GRM3: variants seen among roughly 807,000 people sequenced by gnomAD.
GRM3 encodes glutamate metabotropic receptor 3, also known as metabotropic glutamate receptor 3.
Under a neutral mutation model 70.5 loss-of-function variants are expected in GRM3, and 26 were observed. The ratio of observed to expected loss-of-function variants is 0.37; its 90% CI spans 0.27 to 0.51. The LOEUF is 0.51. Ranked by LOEUF, GRM3 falls within the 20% of genes least tolerant of loss-of-function variation. The pLI, the probability that GRM3 is intolerant of heterozygous loss-of-function variation, is 0.93. For missense variants in GRM3, 859 were observed against 1,123.8 expected (o/e 0.76, Z 3.37); for synonymous variants, 443 against 434.9 (o/e 1.02, Z -0.23).
At chr7:86,669,063 C>T (rs995336396) in intron 1 of GRM3, among the ~76,000 whole-genome samples, 6 of 152,248 alleles carry the variant, frequency 3.9e-5, no homozygotes, top group East Asian at 1.9e-4. Flanking sequence ...AGACTCAAGA[C>T]TTTAGCTGGT....
chr7:86,707,703 T>C (rs1180187367), intron 1 of GRM3, among the ~76,000 whole-genome samples: 2 of 152,130 alleles, frequency 1.3e-5, no homozygotes, highest in Non-Finnish European at 2.9e-5. Context: ...GTTGGCATAG[T>C]ATTTAGATCA....
At chr7:86,744,861 T>C (rs962753519) in intron 1 of GRM3, among the ~76,000 whole-genome samples, 1 of 152,054 alleles carries the variant, frequency 6.6e-6, no homozygotes, top group East Asian at 1.9e-4. Flanking sequence ...CCTGGAAATA[T>C]GTAGAAAGGC....
At chr7:86,745,356 C>A (rs538672889) in intron 1 of GRM3, among the ~76,000 whole-genome samples, 1 of 152,042 alleles carries the variant, frequency 6.6e-6, no homozygotes, top group Non-Finnish European at 1.5e-5. Flanking sequence ...CTTAGCATAG[C>A]CCACCTTGGA....
chr7:86,735,349 G>C (rs1795834285), intron 1 of GRM3, among the ~76,000 whole-genome samples: 1 of 151,872 alleles, frequency 6.6e-6, no homozygotes, highest in African/African-American at 2.4e-5. Flanking sequence ...AGAAATTTTT[G>C]AAGTCAGACA....
intron 1 of GRM3, among the ~76,000 whole-genome samples, chr7:86,717,808 T>C (rs935153227): frequency 4.6e-5 from 7 of 151,866 alleles, no homozygotes; most frequent in Non-Finnish European, 8.8e-5. Flanking sequence ...AACAGGTAAA[T>C]CTCTGCAGCA....
chr7:86,749,456 A>C (rs1280102165), intron 1 of GRM3, among the ~76,000 whole-genome samples: 2 of 152,096 alleles, frequency 1.3e-5, no homozygotes, highest in Non-Finnish European at 2.9e-5. Flanking sequence ...GCTAAACGGC[A>C]AAGTGTAAAT....
chr7:86,806,545 T>G (rs1419807786), intron 3 of GRM3, among the ~76,000 whole-genome samples: 1 of 152,202 alleles, frequency 6.6e-6, no homozygotes, highest in Admixed American at 6.5e-5. Flanking sequence ...CATAAATGTC[T>G]TCTTTTGAGA....
At chr7:86,737,434 C>T (rs1411293756) in intron 1 of GRM3, among the ~76,000 whole-genome samples, 1 of 152,180 alleles carries the variant, frequency 6.6e-6, no homozygotes, top group African/African-American at 2.4e-5. Context: ...CTGGAACTGA[C>T]TGAATCTCTC....
chr7:86,762,565 A>G (rs182582894), intron 1 of GRM3, among the ~76,000 whole-genome samples: 3 of 152,274 alleles, frequency 2.0e-5, no homozygotes, highest in South Asian at 2.1e-4. Context: ...AAAATTCTAA[A>G]TGCTGTGCCA....
At chr7:86,798,656 G>C (rs1797612726) in intron 3 of GRM3, among the ~76,000 whole-genome samples, 1 of 152,208 alleles carries the variant, frequency 6.6e-6, no homozygotes, top group Admixed American at 6.5e-5. Flanking sequence ...GCTGAAATGA[G>C]TTAAGACTTT....
chr7:86,732,470 C>T (rs1795757063), intron 1 of GRM3, among the ~76,000 whole-genome samples: 1 of 152,108 alleles, frequency 6.6e-6, no homozygotes, highest in Non-Finnish European at 1.5e-5. Context: ...AGATATGATT[C>T]AAGCAGAGAT....
At chr7:86,763,543 C>T (rs527406052) in intron 1 of GRM3, among the ~76,000 whole-genome samples, 128 of 152,230 alleles carry the variant, frequency 8.4e-4, no homozygotes, top group African/African-American at 3.0e-3. Flanking sequence ...TAGAAAGATC[C>T]CAGACTACTG....
At chr7:86,864,145 C>A in intron 5 of GRM3, 137 bp from the exon 6 acceptor site, 3 of 638,212 alleles carry the variant, frequency 4.7e-6, no homozygotes, top group Non-Finnish European at 5.8e-6. Flanking sequence ...ACACTGAACT[C>A]CAATTTGTAG....
intron 5 of GRM3, among the ~76,000 whole-genome samples, chr7:86,863,871 C>T (rs1799007359): frequency 1.3e-5 from 2 of 152,126 alleles, no homozygotes; most frequent in African/African-American, 4.8e-5. Flanking sequence ...AAATTCCCCG[C>T]CAAGAGGTAT....
At chr7:86,844,755 A>G (rs1488942080) in intron 4 of GRM3, among the ~76,000 whole-genome samples, 1 of 152,218 alleles carries the variant, frequency 6.6e-6, no homozygotes, top group African/African-American at 2.4e-5. Context: ...GCAATCTACC[A>G]GGTTAGCCTG....
intron 1 of GRM3, among the ~76,000 whole-genome samples, chr7:86,654,512 G>A (rs1414904150): frequency 3.9e-5 from 6 of 152,138 alleles, no homozygotes; most frequent in South Asian, 2.1e-4. Context: ...CAGTCTCTAC[G>A]TATCTAAAGC....
At chr7:86,725,108 C>T (rs573284771) in intron 1 of GRM3, among the ~76,000 whole-genome samples, 1 of 152,220 alleles carries the variant, frequency 6.6e-6, no homozygotes, top group Admixed American at 6.6e-5. Flanking sequence ...TTTGAATCCT[C>T]ATTCTTTAAT....
At chr7:86,834,219 A>C (rs891866813) in intron 3 of GRM3, among the ~76,000 whole-genome samples, 1 of 152,190 alleles carries the variant, frequency 6.6e-6, no homozygotes, top group African/African-American at 2.4e-5. Flanking sequence ...TCCTTCCCCA[A>C]GCTAAGTCTA....
At chr7:86,776,542 T>G (rs2116478664) in intron 2 of GRM3, among the ~76,000 whole-genome samples, 1 of 152,128 alleles carries the variant, frequency 6.6e-6, no homozygotes, top group South Asian at 2.1e-4. Flanking sequence ...AAGGAAATAT[T>G]AGGCTATAGC....
Sources: gnomAD v4.1 joint callset for allele counts (sites outside exome capture counted in the v4.1 genomes callset) on GRCh38, gnomAD v4.1.1 for gene constraint, MANE v1.5 for transcripts, NCBI Gene and HGNC (gene_info 2026-07-23, HGNC 2026-07-21) for gene names.